GRID2: variants seen among roughly 807,000 people sequenced by gnomAD.
GRID2 encodes glutamate receptor ionotropic, delta-2.
GRID2 carries 33 observed loss-of-function variants against 114.8 expected under a neutral mutation model. The observed-to-expected ratio is 0.29, with a 90% confidence interval of 0.22 to 0.38. The LOEUF is 0.38. Among genes scored for constraint, GRID2 ranks in the 10% least tolerant of loss-of-function variants. GRID2 has a pLI of 1.00. For missense variants in GRID2, 1,184 were observed against 1,257.7 expected (o/e 0.94, Z 0.89); for synonymous variants, 505 against 449.9 (o/e 1.12, Z -1.55).
chr4:93,030,698 T>C (rs549705087), intron 2 of GRID2, among the ~76,000 whole-genome samples: 44 of 152,154 alleles, frequency 2.9e-4, no homozygotes, highest in Non-Finnish European at 6.0e-4. Context: ...GCTGCATCTT[T>C]CAAGACCGTA....
At chr4:93,089,456 G>T (rs556660516) in intron 3 of GRID2, among the ~76,000 whole-genome samples, 1 of 152,228 alleles carries the variant, frequency 6.6e-6, no homozygotes, top group South Asian at 2.1e-4. Context: ...TAGAAATATT[G>T]CAACCTCAAA....
chr4:92,560,416 T>G (rs1466959817), intron 1 of GRID2, among the ~76,000 whole-genome samples: 1 of 152,162 alleles, frequency 6.6e-6, no homozygotes, highest in Non-Finnish European at 1.5e-5. Flanking sequence ...ACGGCTACAA[T>G]GTTATAAAGC....
chr4:92,751,889 G>A (rs1338211127), intron 2 of GRID2, among the ~76,000 whole-genome samples: 1 of 152,144 alleles, frequency 6.6e-6, no homozygotes, highest in African/African-American at 2.4e-5. Flanking sequence ...AATAACCTAT[G>A]TAGACAAGGG....
At chr4:92,361,128 C>A (rs1353743542) in intron 1 of GRID2, among the ~76,000 whole-genome samples, 2 of 151,844 alleles carry the variant, frequency 1.3e-5, no homozygotes, top group African/African-American at 2.4e-5. Flanking sequence ...AGGTTAGGTA[C>A]TATTATTACC....
intron 2 of GRID2, among the ~76,000 whole-genome samples, chr4:92,634,736 CTTTT>C (rs1363203908): frequency 8.2e-6 from 1 of 121,364 alleles, no homozygotes; most frequent in African/African-American, 3.1e-5. Flanking sequence ...AGAAACATTT[CTTTT>C]TTTTTTCTTT....
intron 2 of GRID2, among the ~76,000 whole-genome samples, chr4:92,709,877 C>T (rs1176414215): frequency 6.6e-6 from 1 of 151,762 alleles, no homozygotes; most frequent in Admixed American, 6.6e-5. Context: ...TGCCTATTCT[C>T]AAACATCTGA....
At chr4:93,552,268 C>T (rs373994302) in intron 13 of GRID2, among the ~76,000 whole-genome samples, 124 of 152,126 alleles carry the variant, frequency 8.2e-4, no homozygotes, top group African/African-American at 2.7e-3. Context: ...TTTTCTTAAT[C>T]CAGTCTATCA....
intron 2 of GRID2, among the ~76,000 whole-genome samples, chr4:92,928,057 T>A (rs1749957767): frequency 6.6e-6 from 1 of 151,656 alleles, no homozygotes; most frequent in South Asian, 2.1e-4. Flanking sequence ...CTTTGAAAAC[T>A]TAATCCAGAC....
chr4:92,906,991 G>C (rs1748007231), intron 2 of GRID2, among the ~76,000 whole-genome samples: 1 of 152,080 alleles, frequency 6.6e-6, no homozygotes, highest in Non-Finnish European at 1.5e-5. Context: ...ATCCCCAGGT[G>C]TTTCATAGGT....
chr4:93,686,682 A>G (rs75011801), intron 14 of GRID2, among the ~76,000 whole-genome samples: 6,253 of 152,040 alleles, frequency 0.041, 198 homozygotes, highest in African/African-American at 0.081. Flanking sequence ...GAAAATGAAG[A>G]AAGTATGGGG....
chr4:92,426,314 T>A (rs1230179322), intron 1 of GRID2, among the ~76,000 whole-genome samples: 1 of 152,138 alleles, frequency 6.6e-6, no homozygotes, highest in Non-Finnish European at 1.5e-5. Context: ...GGTAACATGA[T>A]ATACAAAGAA....
At position 93,662,619 on chromosome 4, in the gene GRID2, C is replaced by G. The variant is rs1308144698; in HGVS notation, c.2360+36184C>G. 4.6e-5 allele frequency among the ~76,000 whole-genome samples: 7 copies of G among 152,062 alleles called. No homozygotes were observed. The East Asian group carries it at 1.4e-3, about 29-fold the overall frequency. The stretch of plus-strand genomic sequence containing the variant: ...TAGAAAGCTAATTGGAAAAAGGTAG[C>G]AGGGTGTTTTCAAGCTGTCTTGAAA... On this transcript the variant is annotated intron_variant, in intron 14 of 15. Transcript: ENST00000282020.
At chr4:92,711,136 A>G (rs545124580) in intron 2 of GRID2, among the ~76,000 whole-genome samples, 5 of 152,104 alleles carry the variant, frequency 3.3e-5, no homozygotes, top group Admixed American at 2.6e-4. Context: ...AAAAAATGCT[A>G]TTTGGGGTTG....
chr4:93,470,207 C>T (rs1724671112), intron 11 of GRID2, among the ~76,000 whole-genome samples: 1 of 152,048 alleles, frequency 6.6e-6, no homozygotes, highest in South Asian at 2.1e-4. Flanking sequence ...AAACAATGTC[C>T]AGGATGGACA....
chr4:92,710,221 T>C (rs1009189040), intron 2 of GRID2, among the ~76,000 whole-genome samples: 3 of 152,170 alleles, frequency 2.0e-5, no homozygotes, highest in Non-Finnish European at 2.9e-5. Context: ...GCAACTGATA[T>C]GGACAAAACT....
chr4:93,685,363 C>T (rs934616133), intron 14 of GRID2, among the ~76,000 whole-genome samples: 10 of 152,040 alleles, frequency 6.6e-5, no homozygotes, highest in African/African-American at 1.9e-4. Context: ...TCCCTTCTAG[C>T]TCAGACGTCA....
intron 10 of GRID2, among the ~76,000 whole-genome samples, chr4:93,446,881 A>T (rs1400313912): frequency 1.3e-5 from 2 of 151,352 alleles, no homozygotes; most frequent in Non-Finnish European, 3.0e-5. Flanking sequence ...AAATAGTACA[A>T]TTAATATATA....
rs765997873 is a variant in GRID2 at position 92,759,815 on chromosome 4, C to T, written c.244+169529C>T. Among the ~76,000 whole-genome samples the T allele has an allele frequency of 6.1e-5, 9 of 148,272 alleles. 1 individual carries two copies. In the Middle Eastern group the frequency reaches 0.01, roughly 173 times the overall value. On this transcript the variant is annotated intron_variant, in intron 2 of 15. Coordinates refer to ENST00000282020, the MANE Select transcript of GRID2 (RefSeq NM_001510.4). Reference sequence around the variant, plus strand: ...TTTTTTTTTTTGTATTTAGTAGAGACGGGGTTTCACCATGTTAGTCAGGCT... The same window carrying T: ...TTTTTTTTTTTGTATTTAGTAGAGATGGGGTTTCACCATGTTAGTCAGGCT...
intron 9 of GRID2, among the ~76,000 whole-genome samples, chr4:93,397,659 T>TAA (rs1312435768): frequency 6.6e-6 from 1 of 151,950 alleles, no homozygotes; most frequent in Non-Finnish European, 1.5e-5. Flanking sequence ...TCAGATTGAT[T>TAA]AAATATGGTT....
Sources: gnomAD v4.1 joint callset for allele counts (sites outside exome capture counted in the v4.1 genomes callset) on GRCh38, gnomAD v4.1.1 for gene constraint, MANE v1.5 for transcripts, NCBI Gene and HGNC (gene_info 2026-07-23, HGNC 2026-07-21) for gene names.